Variants in TMEM238L observed in about 807,000 individuals in gnomAD.
TMEM238L encodes the protein transmembrane protein 238-like.
At chr17:10,802,854 C>G (rs920752126) in intron 1 of TMEM238L, among the ~76,000 whole-genome samples, 3 of 152,230 alleles carry the variant, frequency 2.0e-5, no homozygotes, top group African/African-American at 7.2e-5. Flanking sequence ...TCTTACAACT[C>G]TCTGCCTCTT....
At chr17:10,797,354 C>A (rs919620374) in intron 1 of TMEM238L, among the ~76,000 whole-genome samples, 2 of 146,932 alleles carry the variant, frequency 1.4e-5, no homozygotes, top group Admixed American at 6.8e-5. Flanking sequence ...CTTCCTCCCC[C>A]CTTTCCTTCC....
chr17:10,796,855 C>T (rs527396192), intron 1 of TMEM238L, among the ~76,000 whole-genome samples: 50 of 152,300 alleles, frequency 3.3e-4, no homozygotes, highest in African/African-American at 1.1e-3. Flanking sequence ...AGGAAACATA[C>T]GTGACTAGGC....
intron 1 of TMEM238L, among the ~76,000 whole-genome samples, chr17:10,798,757 G>A (rs139557882): frequency 6.6e-6 from 1 of 152,086 alleles, no homozygotes; most frequent in African/African-American, 2.4e-5. Flanking sequence ...ACGTGGAGTA[G>A]AAGAGGGATG....
exon 1 of TMEM238L, chr17:10,804,067 G>T: frequency 2.5e-6 from 1 of 401,352 alleles, no homozygotes; most frequent in East Asian, 3.5e-5. Context: ...CTGGGTGTGA[G>T]CAAATGAGCG....
exon 1 of TMEM238L, chr17:10,803,958 G>C: frequency 2.5e-6 from 1 of 399,178 alleles, no homozygotes; most frequent in Admixed American, 4.4e-5. Flanking sequence ...GACTCCCCAG[G>C]AGCATTGCCC....
intron 1 of TMEM238L, among the ~76,000 whole-genome samples, 192 bp downstream of exon 1, chr17:10,803,414 C>T (rs894618231): frequency 2.6e-5 from 4 of 152,122 alleles, no homozygotes; most frequent in Admixed American, 1.3e-4. Context: ...GAAAAGGGCC[C>T]GGAGGAGAAA....
At chr17:10,794,997 C>G (rs1192241600) in exon 2 of TMEM238L, 1 of 152,174 alleles carries the variant, frequency 6.6e-6, no homozygotes, top group Non-Finnish European at 1.5e-5. Context: ...TTATAAGAGA[C>G]ACATACACTT....
At chr17:10,796,505 A>G (rs915107994) in intron 1 of TMEM238L, among the ~76,000 whole-genome samples, 2 of 152,190 alleles carry the variant, frequency 1.3e-5, no homozygotes, top group African/African-American at 4.8e-5. Flanking sequence ...TCTCATCACC[A>G]AATACTTTGA....
intron 1 of TMEM238L, among the ~76,000 whole-genome samples, chr17:10,799,633 C>A (rs1003231388): frequency 1.3e-5 from 2 of 152,178 alleles, no homozygotes; most frequent in East Asian, 1.9e-4. Context: ...ACAATCTGCC[C>A]GTAAATCGTG....
At chr17:10,796,949 C>T (rs1892257577) in intron 1 of TMEM238L, among the ~76,000 whole-genome samples, 1 of 152,180 alleles carries the variant, frequency 6.6e-6, no homozygotes, top group South Asian at 2.1e-4. Flanking sequence ...GTTACCATTG[C>T]TCGACCCTGC....
chr17:10,802,921 A>G (rs151044935), intron 1 of TMEM238L, among the ~76,000 whole-genome samples: 1 of 152,338 alleles, frequency 6.6e-6, no homozygotes, highest in Non-Finnish European at 1.5e-5. Context: ...AAATCCATGA[A>G]GCCAAACTGT....
intron 1 of TMEM238L, among the ~76,000 whole-genome samples, chr17:10,799,055 C>G (rs1211655183): frequency 2.6e-5 from 4 of 152,210 alleles, no homozygotes; most frequent in Admixed American, 6.5e-5. Context: ...GTTTAGCAGC[C>G]ACCCTGCCCT....
At chr17:10,795,672 C>T (rs1904520316) in exon 2 of TMEM238L, 1 of 152,120 alleles carries the variant, frequency 6.6e-6, no homozygotes. Context: ...GTGTCTAAGC[C>T]CCCAGCAGGG....
chr17:10,801,075 G>C (rs1196731584), intron 1 of TMEM238L, among the ~76,000 whole-genome samples: 1 of 150,688 alleles, frequency 6.6e-6, no homozygotes, highest in East Asian at 1.9e-4. Flanking sequence ...TTTTGAGACG[G>C]AGTCTCGCTC....
At chr17:10,800,231 C>T (rs959839115) in intron 1 of TMEM238L, among the ~76,000 whole-genome samples, 2 of 150,444 alleles carry the variant, frequency 1.3e-5, no homozygotes, top group African/African-American at 2.4e-5. Flanking sequence ...CAGGCCTGGC[C>T]GGAAACCACA....
chr17:10,798,986 C>T (rs1957197157), intron 1 of TMEM238L, among the ~76,000 whole-genome samples: 1 of 152,080 alleles, frequency 6.6e-6, no homozygotes, highest in East Asian at 1.9e-4. Flanking sequence ...TCTCTTGGAG[C>T]ACAGTTGATC....
At chr17:10,804,005 G>A (rs1010568807) in exon 1 of TMEM238L, 2 of 399,932 alleles carry the variant, frequency 5.0e-6, no homozygotes, top group East Asian at 3.6e-5. Context: ...ACTCCCGGGG[G>A]TGATTTGCAT....
chr17:10,799,880 C>T (rs1904679267), intron 1 of TMEM238L, among the ~76,000 whole-genome samples: 1 of 152,050 alleles, frequency 6.6e-6, no homozygotes, highest in Non-Finnish European at 1.5e-5. Context: ...AGGCCCAATT[C>T]CCTTCCAGGG....
chr17:10,797,954 C>T (rs1222350978), intron 1 of TMEM238L: 2 of 152,240 alleles, frequency 1.3e-5, no homozygotes, highest in East Asian at 3.9e-4. Flanking sequence ...CTCCTCCCTC[C>T]TCTCCTAGTG....
Sources: allele counts gnomAD v4.1 joint callset (sites outside exome capture counted in the v4.1 genomes callset), GRCh38; gene constraint gnomAD v4.1.1; transcripts MANE v1.5; gene names NCBI Gene and HGNC (gene_info 2026-07-23, HGNC 2026-07-21).